Variants in CCDC30 observed in about 807,000 individuals in gnomAD.
The protein encoded by CCDC30 is coiled-coil domain containing 30.
A neutral mutation model predicts 100.2 loss-of-function variants in CCDC30; 70 were observed. The ratio of observed to expected loss-of-function variants is 0.70; its 90% CI spans 0.58 to 0.85. The LOEUF (loss-of-function observed/expected upper bound fraction) is 0.85. Among genes scored for constraint, CCDC30 ranks in the 40% least tolerant of loss-of-function variants. CCDC30 has a pLI of 0.00. For synonymous variants in CCDC30, 233 were observed against 269.5 expected, an observed-to-expected ratio of 0.86 and a Z score of 1.33; for missense variants, 652 against 771.2, an observed-to-expected ratio of 0.85 and a Z score of 1.83.
chr1:42,534,250 A>T (rs1009867454), intron 6 of CCDC30, among the ~76,000 whole-genome samples: 1 of 151,778 alleles, frequency 6.6e-6, no homozygotes, highest in African/African-American at 2.4e-5. Context: ...AAGAGTTGAG[A>T]TGTTTCTTCT....
intron 6 of CCDC30, among the ~76,000 whole-genome samples, chr1:42,500,021 T>C (rs919092086): frequency 6.6e-6 from 1 of 152,194 alleles, no homozygotes; most frequent in Non-Finnish European, 1.5e-5. Context: ...GCCAGCCAGA[T>C]AGACAGATGG....
intron 1 of CCDC30, among the ~76,000 whole-genome samples, chr1:42,479,333 A>C (rs1483375360): frequency 2.0e-5 from 3 of 152,172 alleles, no homozygotes; most frequent in African/African-American, 7.2e-5. Context: ...CCAAGGTTGC[A>C]CCATTGCATT....
chr1:42,594,970 T>C (rs1646255907), intron 10 of CCDC30: 2 of 151,780 alleles, frequency 1.3e-5, no homozygotes, highest in Non-Finnish European at 2.9e-5. Flanking sequence ...TATGAAGTGT[T>C]GTCACCTGGC....
intron 7 of CCDC30, among the ~76,000 whole-genome samples, chr1:42,567,560 C>A (rs1231025304): frequency 6.6e-6 from 1 of 152,126 alleles, no homozygotes; most frequent in Non-Finnish European, 1.5e-5. Flanking sequence ...TCTCGTATTC[C>A]GGGATTATTT....
chr1:42,521,290 A>C (rs564682476), intron 6 of CCDC30: 1 of 154,356 alleles, frequency 6.5e-6, no homozygotes. Flanking sequence ...AGTATTTTCT[A>C]ATTTCTTTGT....
intron 8 of CCDC30, among the ~76,000 whole-genome samples, chr1:42,578,823 C>T (rs1645898736): frequency 6.6e-6 from 1 of 152,010 alleles, no homozygotes; most frequent in African/African-American, 2.4e-5. Flanking sequence ...CCAAATGTCC[C>T]CTGGCAAAAG....
intron 6 of CCDC30, among the ~76,000 whole-genome samples, chr1:42,499,837 C>A (rs1644282102): frequency 6.6e-6 from 1 of 151,380 alleles, no homozygotes; most frequent in Admixed American, 6.6e-5. Context: ...ATTGTGCATT[C>A]CAATAATTAA....
intron 10 of CCDC30, among the ~76,000 whole-genome samples, chr1:42,603,433 AT>A (rs1358424393): frequency 6.6e-6 from 1 of 152,238 alleles, no homozygotes; most frequent in Non-Finnish European, 1.5e-5. Context: ...GAACACCATC[AT>A]TCAAACCATG....
Position 42,502,345 on chromosome 1 carries a change from G to A in CCDC30, c.456+3429G>A, listed in dbSNP as rs1030531123. On this transcript the variant is annotated intron_variant, in intron 6 of 16. Transcript: ENST00000668663. ...ATTGGAAAAGCACAGTATTAGGGTG[G>A]GAGTGTCCCAATTTTCCAGGTACCG... Among the ~76,000 whole-genome samples the A allele has an allele frequency of 2.6e-5, 4 of 152,180 alleles. No homozygotes were observed. In the East Asian group the frequency reaches 7.7e-4, roughly 29 times the overall value.
the CCDC30 span, chr1:42,457,627 T>C: frequency 2.2e-6 from 1 of 446,214 alleles, no homozygotes; most frequent in East Asian, 4.1e-5. Flanking sequence ...TCGATGAAGC[T>C]TCTTGGAGGA....
chr1:42,617,394 A>T, intron 11 of CCDC30, among the ~76,000 whole-genome samples: 1 of 152,338 alleles, frequency 6.6e-6, no homozygotes, highest in East Asian at 1.9e-4. Context: ...CCAGTATAGG[A>T]TAGGTGAAAG....
chr1:42,591,303 C>T (rs778973838), intron 10 of CCDC30: 2 of 152,272 alleles, frequency 1.3e-5, no homozygotes, highest in Admixed American at 6.5e-5. Flanking sequence ...GGTCCACAGA[C>T]GTAGGAGGAA....
At chr1:42,456,928 G>GGA in the CCDC30 span, 1 of 1,608,904 alleles carries the variant, frequency 6.2e-7, no homozygotes, top group Non-Finnish European at 8.5e-7. Flanking sequence ...TGGAGGCCGA[G>GGA]GAGAATGCAC....
chr1:42,604,742 A>G (rs540496188), intron 10 of CCDC30, among the ~76,000 whole-genome samples: 1 of 152,238 alleles, frequency 6.6e-6, no homozygotes, highest in African/African-American at 2.4e-5. Context: ...TCTTAGGGGA[A>G]TGTTTGGAAG....
At chr1:42,506,365 A>G (rs1265887158) in intron 6 of CCDC30, among the ~76,000 whole-genome samples, 2 of 152,032 alleles carry the variant, frequency 1.3e-5, no homozygotes, top group African/African-American at 4.8e-5. Flanking sequence ...TAGCTTGATT[A>G]TAAACTATCT....
At chr1:42,522,244 T>C (rs554218140) in intron 6 of CCDC30, among the ~76,000 whole-genome samples, 4 of 152,314 alleles carry the variant, frequency 2.6e-5, no homozygotes, top group Admixed American at 2.0e-4. Context: ...ATGGCAGATA[T>C]GGAACCCACA....
chr1:42,651,399 T>G (rs1163068694), intron 15 of CCDC30, among the ~76,000 whole-genome samples: 2 of 150,744 alleles, frequency 1.3e-5, no homozygotes, highest in Non-Finnish European at 3.0e-5. Context: ...CACAACCCAA[T>G]TAAAAAGTAG....
At chr1:42,556,053 G>A in intron 6 of CCDC30, 103 bp from the exon 10 acceptor site, 2 of 1,183,588 alleles carry the variant, frequency 1.7e-6, no homozygotes, top group Non-Finnish European at 2.4e-6. Context: ...AATTCAGGTT[G>A]AAAATCTTGT....
chr1:42,459,750 G>T, upstream of CCDC30: 1 of 1,614,222 alleles, frequency 6.2e-7, no homozygotes, highest in Non-Finnish European at 8.5e-7. Context: ...TCAGCATCAA[G>T]TGGTGGTGGC....
Sources: gnomAD v4.1 joint callset for allele counts (sites outside exome capture counted in the v4.1 genomes callset) on GRCh38, gnomAD v4.1.1 for gene constraint, MANE v1.5 for transcripts, NCBI Gene and HGNC (gene_info 2026-07-23, HGNC 2026-07-21) for gene names.